The following DAPK1 variants were observed in gnomAD, a reference collection of about 807,000 sequenced individuals.
DAPK1 encodes death-associated protein kinase 1.
In DAPK1, 56 loss-of-function variants were observed where a neutral mutation model predicts 144.9. The observed-to-expected ratio is 0.39, with a 90% CI of 0.31 to 0.48. The LOEUF (loss-of-function observed/expected upper bound fraction) is 0.48, where lower values mean the gene tolerates loss of function less well. Ranked by LOEUF, DAPK1 falls within the 20% of genes least tolerant of loss-of-function variation. The pLI is 0.95. For synonymous variants in DAPK1, 690 were observed against 749.0 expected (o/e 0.92, Z 1.29); for missense variants, 1,454 against 1,875.4 (o/e 0.78, Z 4.15).
Position 87,708,072 on chromosome 9 carries a change from G to A in DAPK1, c.*708G>A, listed in dbSNP as rs1825702971. ...TCTGTTTTGTTTGGCAAGGAAAGGGGAGAAGGGAATCCTCCTCCAGGGTGA... is the reference window on the plus strand; with the variant it reads ...TCTGTTTTGTTTGGCAAGGAAAGGGAAGAAGGGAATCCTCCTCCAGGGTGA... On this transcript the variant is annotated 3_prime_UTR_variant, in exon 26 of 26. Transcript: ENST00000408954. 1 of 302,376 alleles carries A rather than the reference G, an allele frequency of 3.3e-6. No homozygotes were observed. Among genetic ancestry groups the A allele is most frequent in the South Asian group, 3.0e-5 (1 of 33,466 alleles). The allele number at this position is 302,376 out of a possible 1,614,324, so 18.7% of individuals were successfully genotyped here.
chr9:87,646,644 T>G (rs1830276260), intron 13 of DAPK1, 85 bp downstream of exon 13: 8 of 1,024,098 alleles, frequency 7.8e-6, no homozygotes, highest in Non-Finnish European at 8.9e-6. Flanking sequence ...GGAAAAAAAT[T>G]TATGTCCTAA....
chr9:87,525,385 G>T lies in DAPK1; in HGVS notation c.62+26246G>T. On this transcript the variant is annotated intron_variant, in intron 2 of 25. Coordinates refer to ENST00000408954, the MANE Select transcript of DAPK1 (RefSeq NM_004938.4). ...CTTGTTGCGTGTGTTCAAACAACCG[G>T]CACGGTCTGATCCGGAAATATGGCC... is the stretch of plus-strand genomic sequence containing the variant. 1.9e-6 allele frequency: 3 copies of T among 1,611,254 alleles called. No homozygotes were observed. The South Asian group carries it at 3.3e-5, about 18-fold the overall frequency.
At chr9:87,664,561 T>A (rs1172319583) in intron 18 of DAPK1, among the ~76,000 whole-genome samples, 3 of 151,128 alleles carry the variant, frequency 2.0e-5, no homozygotes, top group Admixed American at 1.3e-4. Context: ...TGTGTGTGAT[T>A]TGCCCCTGTG....
At chr9:87,647,643 C>G (rs1427871417) in intron 14 of DAPK1, among the ~76,000 whole-genome samples, 1 of 152,168 alleles carries the variant, frequency 6.6e-6, no homozygotes, top group Non-Finnish European at 1.5e-5. Context: ...ATTATAATCC[C>G]CATAACATAA....
intron 3 of DAPK1, among the ~76,000 whole-genome samples, chr9:87,609,596 G>C (rs1179286179): frequency 6.6e-6 from 1 of 152,168 alleles, no homozygotes; most frequent in Admixed American, 6.5e-5. Flanking sequence ...CTTTGCCTTT[G>C]AGAAAATTAT....
rs1173001696 is a variant in DAPK1 at position 87,571,484 on chromosome 9, CACACACACACCCCA to C, written c.63-33459_63-33446del. 2.6e-3 allele frequency among the ~76,000 whole-genome samples: 152 copies of C among 58,676 alleles called. 21 individuals are homozygous for C. Among genetic ancestry groups the C allele is most frequent in the South Asian group, 4.7e-3 (6 of 1,284 alleles). The allele number at this position is 58,676 out of a possible 152,430, so 38.5% of individuals were successfully genotyped here. ...ACACACACACACACACCAACACACA[CACACACACACCCCA>C]ACACACACACACACACACACACACA... On this transcript the variant is annotated intron_variant, in intron 2 of 25. Coordinates refer to ENST00000408954, the MANE Select transcript of DAPK1 (RefSeq NM_004938.4).
intron 19 of DAPK1, among the ~76,000 whole-genome samples, chr9:87,677,366 T>C (rs1015726240): frequency 1.3e-5 from 2 of 152,134 alleles, no homozygotes; most frequent in Non-Finnish European, 2.9e-5. Context: ...GGCAGCGGTG[T>C]CTGTAGTTGA....
intron 19 of DAPK1, among the ~76,000 whole-genome samples, chr9:87,671,648 G>A (rs36216783): frequency 3.9e-5 from 6 of 152,114 alleles, no homozygotes; most frequent in South Asian, 2.1e-4. Context: ...CTACAGGCAC[G>A]TCAGACACGT....
chr9:87,645,185 A>T (rs1830226930), intron 11 of DAPK1, among the ~76,000 whole-genome samples: 1 of 152,158 alleles, frequency 6.6e-6, no homozygotes, highest in Admixed American at 6.5e-5. Context: ...CTAATTCCTT[A>T]GTTTTAATGT....
At chr9:87,519,845 G>A (rs765612928) in intron 2 of DAPK1, among the ~76,000 whole-genome samples, 1 of 152,138 alleles carries the variant, frequency 6.6e-6, no homozygotes, top group African/African-American at 2.4e-5. Flanking sequence ...TGGGAGGGAA[G>A]CCATGGGATG....
At chr9:87,514,214 G>C (rs1194606239) in intron 2 of DAPK1, among the ~76,000 whole-genome samples, 1 of 152,150 alleles carries the variant, frequency 6.6e-6, no homozygotes, top group Non-Finnish European at 1.5e-5. Flanking sequence ...TGTGGAATGA[G>C]ATGAGAGAAG....
intron 21 of DAPK1, among the ~76,000 whole-genome samples, chr9:87,694,976 G>A (rs1825206247): frequency 6.6e-6 from 1 of 152,194 alleles, no homozygotes; most frequent in Non-Finnish European, 1.5e-5. Context: ...TGGGTGAAGG[G>A]TCCCCCTGCA....
intron 19 of DAPK1, 174 bp downstream of exon 19, chr9:87,668,848 TA>T: frequency 1.7e-6 from 1 of 603,422 alleles, no homozygotes; most frequent in South Asian, 2.0e-5. Flanking sequence ...ATCAGCTCCC[TA>T]TCTGTTTTCT....
chr9:87,705,151 A>G (rs1232059861), intron 25 of DAPK1, among the ~76,000 whole-genome samples: 1 of 151,662 alleles, frequency 6.6e-6, no homozygotes, highest in East Asian at 1.9e-4. Context: ...TTTTTTGAAA[A>G]TGTTCTCAAG....
intron 16 of DAPK1, among the ~76,000 whole-genome samples, 176 bp from the exon 17 acceptor site, chr9:87,651,351 C>T (rs1374307135): frequency 6.6e-6 from 1 of 152,074 alleles, no homozygotes; most frequent in Non-Finnish European, 1.5e-5. Context: ...TCCGCATCCT[C>T]CCAGTCCTTA....
At chr9:87,559,553 T>C (rs1237837933) in intron 2 of DAPK1, among the ~76,000 whole-genome samples, 1 of 152,184 alleles carries the variant, frequency 6.6e-6, no homozygotes, top group South Asian at 2.1e-4. Flanking sequence ...TGGTGGACTT[T>C]CCCTGCAGCT....
intron 10 of DAPK1, among the ~76,000 whole-genome samples, chr9:87,642,333 T>C (rs983666289): frequency 1.3e-5 from 2 of 152,214 alleles, no homozygotes; most frequent in East Asian, 1.9e-4. Context: ...TGTAAAATTA[T>C]AGTGAAATTT....
rs1023093053 is a variant in DAPK1, at chr9:87,622,302, C to G, written c.285-15641C>G. Among the ~76,000 whole-genome samples, 6 of 152,022 alleles carry G rather than the reference C, an allele frequency of 3.9e-5. No individual in the cohort carries two copies. The South Asian group carries it at 8.3e-4, about 21-fold the overall frequency. ...GAGGCTGTGGTTTCTGTGAATCCTTCGTAGGTGTGACAACCTCCTACACCA... is the reference window on the plus strand; with the variant it reads ...GAGGCTGTGGTTTCTGTGAATCCTTGGTAGGTGTGACAACCTCCTACACCA... On this transcript the variant is annotated intron_variant, in intron 3 of 25. Coordinates refer to ENST00000408954, the MANE Select transcript of DAPK1 (RefSeq NM_004938.4).
At chr9:87,547,578 A>AGTGTGT (rs61564712) in intron 2 of DAPK1, among the ~76,000 whole-genome samples, 13 of 58,808 alleles carry the variant, frequency 2.2e-4, no homozygotes, top group African/African-American at 1.0e-3. Flanking sequence ...AGAGAGAGAG[A>AGTGTGT]GTGTGTGTGT....
Sources: allele counts gnomAD v4.1 joint callset (sites outside exome capture counted in the v4.1 genomes callset), GRCh38; gene constraint gnomAD v4.1.1; transcripts MANE v1.5; gene names NCBI Gene and HGNC (gene_info 2026-07-23, HGNC 2026-07-21).